Variants in FRMD6 observed in about 807,000 individuals in gnomAD.
The protein encoded by FRMD6 is FERM domain containing 6.
In FRMD6, 37 loss-of-function variants were observed where a neutral mutation model predicts 73.2. That is an observed-to-expected ratio of 0.51 (90% confidence interval 0.39 to 0.66). The LOEUF is 0.66. Ranked by LOEUF, FRMD6 falls within the 30% of genes least tolerant of loss-of-function variation. The probability of loss-of-function intolerance (pLI) is 0.00; values close to 1 mark genes in which losing one functional copy is unlikely to be tolerated. For synonymous variants in FRMD6, 273 were observed against 282.2 expected (o/e 0.97, Z 0.33); for missense variants, 714 against 780.5 (o/e 0.91, Z 1.02).
rs372736953 is a variant in FRMD6, at chr14:51,668,316, T to C, written c.-147+16320T>C. Among the ~76,000 whole-genome samples the C allele has an allele frequency of 1.0e-3, 158 of 152,322 alleles. 4 individuals are homozygous for C. In the South Asian group the frequency reaches 0.032, roughly 31 times the overall value. On this transcript the variant is annotated intron_variant, in intron 1 of 13. Transcript: ENST00000344768. ...TGCTTGATTTACTCTTTAGAACTTA[T>C]TTATTTATTGAGACAGAATCTACTC... is the stretch of plus-strand genomic sequence containing the variant.
chr14:51,520,382 GT>G (rs1430305495), intron 1 of FRMD6, among the ~76,000 whole-genome samples: 4 of 152,166 alleles, frequency 2.6e-5, no homozygotes, highest in Non-Finnish European at 5.9e-5. Context: ...GAGAAAGGAA[GT>G]TTCTTATCAA....
At chr14:51,665,356 T>A (rs1893505029) in intron 1 of FRMD6, among the ~76,000 whole-genome samples, 1 of 152,220 alleles carries the variant, frequency 6.6e-6, no homozygotes, top group Non-Finnish European at 1.5e-5. Context: ...TTCACTTCTT[T>A]GCTCCTGCCC....
At chr14:51,480,032 G>A in the FRMD6 span, among the ~76,000 whole-genome samples, 1 of 152,162 alleles carries the variant, frequency 6.6e-6, no homozygotes, top group South Asian at 2.1e-4. Flanking sequence ...TGAAAAGTCT[G>A]GTAGCAGGAT....
intron 1 of FRMD6, among the ~76,000 whole-genome samples, chr14:51,513,405 A>AT (rs1205370529): frequency 6.6e-6 from 1 of 152,180 alleles, no homozygotes; most frequent in Non-Finnish European, 1.5e-5. Context: ...TGAGGAACAG[A>AT]TTCCTTTGCC....
Position 51,585,923 on chromosome 14 carries a change from A to ATGTG in FRMD6, c.-147+15527_-147+15530dup, listed in dbSNP as rs144016037. On this transcript the variant is annotated intron_variant, in intron 2 of 14. Coordinates refer to the FRMD6 transcript ENST00000356218. The stretch of plus-strand genomic sequence containing the variant: ...TTATGGCTGAATAGTATGCCATGGC[A>ATGTG]TGTGTGTGTGTGTGTGTATATATAT... Among the ~76,000 whole-genome samples, 151 of 36,876 alleles carry ATGTG rather than the reference A, an allele frequency of 4.1e-3. 16 individuals are homozygous for ATGTG. Among genetic ancestry groups the ATGTG allele is most frequent in the African/African-American group, 9.5e-3 (141 of 14,880 alleles). The allele number at this position is 36,876 out of a possible 152,430, so 24.2% of individuals were successfully genotyped here.
chr14:51,515,222 G>A (rs1398457251), intron 1 of FRMD6, among the ~76,000 whole-genome samples: 3 of 152,214 alleles, frequency 2.0e-5, no homozygotes, highest in Admixed American at 2.0e-4. Flanking sequence ...CCCCACTCCA[G>A]TTCCCGTTAC....
chr14:51,520,219 G>A (rs1376258835), intron 1 of FRMD6, among the ~76,000 whole-genome samples: 2 of 152,130 alleles, frequency 1.3e-5, no homozygotes, highest in Non-Finnish European at 1.5e-5. Flanking sequence ...AAACACATGA[G>A]AAAATGTTCA....
At chr14:51,725,182 A>G (rs138498934) in intron 12 of FRMD6, among the ~76,000 whole-genome samples, 5 of 152,286 alleles carry the variant, frequency 3.3e-5, no homozygotes, top group African/African-American at 1.2e-4. Context: ...AATTATTAAA[A>G]CTAGCAGGCA....
chr14:51,728,139 CTCTT>C lies in FRMD6; in HGVS notation c.*116_*119del, dbSNP rs1350975755. 6 of 964,694 alleles carry C rather than the reference CTCTT, an allele frequency of 6.2e-6. No homozygotes were observed. The highest frequency in any genetic ancestry group is 2.8e-5 in the Admixed American group (1 of 35,926). The allele number at this position is 964,694 out of a possible 1,614,324, so 59.8% of individuals were successfully genotyped here. A position where few individuals can be genotyped will look rare whatever the true frequency, so the allele number is the denominator to read the frequency against. On this transcript the variant is annotated 3_prime_UTR_variant, in exon 14 of 14. Transcript: ENST00000344768. ...CATATCTTCTTCACCCTAAACATAG[CTCTT>C]TCTTTATAATATTTGTGATGATGGA...
the FRMD6 span, among the ~76,000 whole-genome samples, chr14:51,455,077 G>A: frequency 2.6e-5 from 4 of 152,104 alleles, no homozygotes; most frequent in Admixed American, 6.5e-5. Context: ...GAGTGAGAGC[G>A]AGCCAGTGAG....
intron 2 of FRMD6, among the ~76,000 whole-genome samples, chr14:51,614,684 A>C (rs1473546012): frequency 6.6e-6 from 1 of 152,218 alleles, no homozygotes; most frequent in Non-Finnish European, 1.5e-5. Context: ...CTCTTAAAGA[A>C]TACTTTTTTC....
chr14:51,638,393 C>T (rs1891666218), intron 2 of FRMD6, among the ~76,000 whole-genome samples: 1 of 152,184 alleles, frequency 6.6e-6, no homozygotes, highest in Non-Finnish European at 1.5e-5. Context: ...CCTACTACTC[C>T]ATTGAGACTG....
rs2020240 is a variant in FRMD6 at position 51,665,814 on chromosome 14, C to T, written c.-147+13818C>T. Among the ~76,000 whole-genome samples, 7 of 152,288 alleles carry T rather than the reference C, an allele frequency of 4.6e-5. 1 individual carries two copies. The South Asian group carries it at 1.5e-3, about 32-fold the overall frequency. On this transcript the variant is annotated intron_variant, in intron 1 of 13. Transcript: ENST00000344768. The stretch of plus-strand genomic sequence containing the variant: ...GCTGTTCTCGTGATAATGATTAAGT[C>T]TCACAAGATCTAGTGGTTTTAAAAA...
the FRMD6 span, among the ~76,000 whole-genome samples, chr14:51,398,427 T>A: frequency 1.3e-5 from 2 of 152,210 alleles, no homozygotes; most frequent in Admixed American, 6.5e-5. Flanking sequence ...AAAATGCTCT[T>A]AGCAACTTAC....
rs545474997 is a variant in FRMD6 at position 51,704,731 on chromosome 14, T to G, written c.372-18T>G. On this transcript the variant is annotated intron_variant, in intron 5 of 13. Coordinates refer to ENST00000344768, the MANE Select transcript of FRMD6 (RefSeq NM_001267046.2). ...TATTCCATCAAAATGTGAGTTCTGT[T>G]TTCTTTTATTTTTCTAGTGACAGAG... The G allele has an allele frequency of 6.3e-7, 1 of 1,594,044 alleles. No homozygotes were observed. The highest frequency in any genetic ancestry group is 1.3e-5 in the African/African-American group (1 of 74,216).
chr14:51,479,255 G>A, the FRMD6 span, among the ~76,000 whole-genome samples: 1 of 152,188 alleles, frequency 6.6e-6, no homozygotes, highest in East Asian at 1.9e-4. Flanking sequence ...GCGCTAAAGG[G>A]TTGGTTTAAC....
rs1438555569 is a variant in FRMD6, at chr14:51,702,581, T to C, written c.364T>C (p.Leu122=). 13 of 1,611,632 alleles carry C rather than the reference T, an allele frequency of 8.1e-6. 1 individual carries two copies. The South Asian group carries it at 1.1e-4, about 14-fold the overall frequency. Residue 122 remains leucine (L), a synonymous_variant, in exon 5 of 14, where the codon TTG becomes CTG. Transcript: ENST00000344768. Reference sequence around the variant, plus strand: ...GCAGTACTATGTGGAAAATGGCAGATTGATCAGGTAAGAGGACAGGGGGTG... The same window carrying C: ...GCAGTACTATGTGGAAAATGGCAGACTGATCAGGTAAGAGGACAGGGGGTG... ...RVQYYVENGR[L]ISDRAARYYY...
intron 2 of FRMD6, among the ~76,000 whole-genome samples, chr14:51,601,080 C>T (rs992111201): frequency 6.6e-6 from 1 of 152,194 alleles, no homozygotes. Flanking sequence ...AGATGTTGAC[C>T]TTTAAGCTAC....
chr14:51,482,040 A>G, the FRMD6 span, among the ~76,000 whole-genome samples: 1 of 152,208 alleles, frequency 6.6e-6, no homozygotes, highest in Non-Finnish European at 1.5e-5. Flanking sequence ...TTGTTTTTCA[A>G]AAATGTTGGA....
Sources: gnomAD v4.1 joint callset for allele counts (sites outside exome capture counted in the v4.1 genomes callset) on GRCh38, gnomAD v4.1.1 for gene constraint, MANE v1.5 for transcripts, NCBI Gene and HGNC (gene_info 2026-07-23, HGNC 2026-07-21) for gene names.